The following TMEM117 variants were observed in gnomAD, a reference collection of about 807,000 sequenced individuals.
The protein encoded by TMEM117 is transmembrane protein 117.
In TMEM117, 27 loss-of-function variants were observed where a neutral mutation model predicts 52.4. That is an observed-to-expected ratio of 0.51 (90% CI 0.38 to 0.71). TMEM117 has a LOEUF of 0.71. Among genes scored for constraint, TMEM117 ranks in the 30% least tolerant of loss-of-function variants. The probability of loss-of-function intolerance (pLI) is 0.00; values close to 1 mark genes in which losing one functional copy is unlikely to be tolerated. For synonymous variants in TMEM117, 215 were observed against 206.3 expected, an observed-to-expected ratio of 1.04 and a Z score of -0.36; for missense variants, 556 against 630.5, an observed-to-expected ratio of 0.88 and a Z score of 1.26.
intron 2 of TMEM117, among the ~76,000 whole-genome samples, chr12:43,931,767 A>C (rs149267874): frequency 6.6e-6 from 1 of 152,204 alleles, no homozygotes; most frequent in Non-Finnish European, 1.5e-5. Flanking sequence ...ATTTAAATAA[A>C]GCTTGTTTTT....
intron 3 of TMEM117, among the ~76,000 whole-genome samples, chr12:44,090,849 G>GTTTTTTTTTTTTTTTTTTTTT: frequency 9.8e-6 from 1 of 101,652 alleles, no homozygotes; most frequent in Non-Finnish European, 2.0e-5. Context: ...GTTTTTTTTT[G>GTTTTTTTTTTTTTTTTTTTTT]TTTTTTTTTT....
chr12:43,994,227 G>T (rs1945991998), intron 3 of TMEM117, among the ~76,000 whole-genome samples: 1 of 152,122 alleles, frequency 6.6e-6, no homozygotes, highest in Admixed American at 6.5e-5. Flanking sequence ...CTTTCCAGAG[G>T]TAAAGAAACA....
At chr12:43,841,917 T>G (rs923029063) in intron 1 of TMEM117, among the ~76,000 whole-genome samples, 9 of 152,188 alleles carry the variant, frequency 5.9e-5, no homozygotes, top group Non-Finnish European at 1.3e-4. Context: ...GGGGAGGTGG[T>G]GATAGCAACC....
At chr12:44,221,873 A>AT (rs1218671441) in intron 5 of TMEM117, among the ~76,000 whole-genome samples, 4 of 151,776 alleles carry the variant, frequency 2.6e-5, no homozygotes, top group African/African-American at 9.7e-5. Flanking sequence ...TAATTTTTGT[A>AT]TTTTTAGTAG....
In TMEM117 at chr12:44,303,046, AT is replaced by A. The variant is rs1024943154; in HGVS notation, c.768+3319del. On this transcript the variant is annotated intron_variant, in intron 6 of 7. Transcript: ENST00000266534. ...CACTTATACTATAGAAAGGTATTGT[AT>A]TTTTTTTTTTTCTGATATGGAGTTT... 2.0e-3 allele frequency among the ~76,000 whole-genome samples: 286 copies of A among 146,252 alleles called. 1 individual carries two copies. Among genetic ancestry groups the A allele is most frequent in the African/African-American group, 4.8e-3 (191 of 40,160 alleles).
chr12:43,797,381 CTT>C, the TMEM117 span: 1 of 1,605,534 alleles, frequency 6.2e-7, no homozygotes, highest in South Asian at 1.1e-5. Context: ...TGGGAATCCT[CTT>C]TGGCAAATCT....
In TMEM117 at chr12:43,953,389, C is replaced by T. The variant is rs530277354; in HGVS notation, c.410+9047C>T. Among the ~76,000 whole-genome samples, 197 of 152,288 alleles carry T rather than the reference C, an allele frequency of 1.3e-3. 1 individual carries two copies. Among genetic ancestry groups the T allele is most frequent in the African/African-American group, 3.9e-3 (162 of 41,558 alleles). On this transcript the variant is annotated intron_variant, in intron 3 of 7. Transcript: ENST00000266534. ...TACAAAGACAAGACCCACCGGTGTG[C>T]TGTCTTCAAGAGACATATCTCATGT...
At chr12:44,172,289 A>T (rs1949057303) in intron 4 of TMEM117, among the ~76,000 whole-genome samples, 1 of 152,318 alleles carries the variant, frequency 6.6e-6, no homozygotes, top group Admixed American at 6.5e-5. Flanking sequence ...GCAGTCTGAA[A>T]CCAAGGTGTT....
At position 44,011,659 on chromosome 12, in the gene TMEM117, T is replaced by TATAC. The variant is rs113611924; in HGVS notation, c.410+67333_410+67336dup. On this transcript the variant is annotated intron_variant, in intron 3 of 7. Coordinates refer to ENST00000266534, the MANE Select transcript of TMEM117 (RefSeq NM_032256.3). ...AGAGTAATATAACTATATTCCTTACTATACATACATACATACATATGTATG... is the reference window on the plus strand; with the variant it reads ...AGAGTAATATAACTATATTCCTTACTATACATACATACATACATACATATGTATG... Among the ~76,000 whole-genome samples, 904 of 151,690 alleles carry TATAC rather than the reference T, an allele frequency of 6.0e-3. 9 individuals are homozygous for TATAC. The highest frequency in any genetic ancestry group is 0.024 in the South Asian group (115 of 4,778).
chr12:44,037,361 T>C (rs765757333), intron 3 of TMEM117, among the ~76,000 whole-genome samples: 1 of 152,158 alleles, frequency 6.6e-6, no homozygotes, highest in Non-Finnish European at 1.5e-5. Context: ...CCACTCCTGA[T>C]GCTCACTCCC....
chr12:44,211,506 C>A, intron 5 of TMEM117, 119 bp downstream of exon 5: 1 of 638,662 alleles, frequency 1.6e-6, no homozygotes, highest in Non-Finnish European at 2.7e-6. Context: ...TTGGTAGCTA[C>A]TATGCTCCAT....
rs895548336 is a variant in TMEM117, at chr12:44,048,117, A to G, written c.411-95408A>G. Among the ~76,000 whole-genome samples, 7 of 152,252 alleles carry G rather than the reference A, an allele frequency of 4.6e-5. 1 individual carries two copies. The highest frequency in any genetic ancestry group is 1.7e-4 in the African/African-American group (7 of 41,570). On this transcript the variant is annotated intron_variant, in intron 3 of 7. Transcript: ENST00000266534. ...GTGTCAATTTTGTTGTATTTTAGAA[A>G]TTTATCCATTTTCTTTACATTTTCA...
At chr12:44,230,213 T>C (rs533561903) in intron 5 of TMEM117, among the ~76,000 whole-genome samples, 1 of 152,128 alleles carries the variant, frequency 6.6e-6, no homozygotes. Context: ...CTGAATATTA[T>C]GTAGTCAGTC....
intron 3 of TMEM117, among the ~76,000 whole-genome samples, chr12:43,953,819 G>A (rs898020009): frequency 6.6e-6 from 1 of 152,124 alleles, no homozygotes; most frequent in African/African-American, 2.4e-5. Flanking sequence ...GATATCTACA[G>A]AACTCTCCCC....
chr12:44,177,796 A>G (rs1382878114), intron 4 of TMEM117, among the ~76,000 whole-genome samples: 1 of 152,170 alleles, frequency 6.6e-6, no homozygotes, highest in Non-Finnish European at 1.5e-5. Context: ...AATCTTGCAA[A>G]ATAGACTATG....
intron 3 of TMEM117, among the ~76,000 whole-genome samples, chr12:44,101,934 TGTAACTGCTTTATTTTCTACA>T (rs1947868184): frequency 6.6e-6 from 1 of 152,070 alleles, no homozygotes. Context: ...ATAGGGCGTA[TGTAACTGCTTTATTTTCTACA>T]AGCATCATAA....
At chr12:44,082,133 A>G (rs1234059911) in intron 3 of TMEM117, among the ~76,000 whole-genome samples, 2 of 152,032 alleles carry the variant, frequency 1.3e-5, no homozygotes, top group East Asian at 3.8e-4. Context: ...AATGACATTG[A>G]CACCATATTA....
At chr12:43,823,464 C>T in the TMEM117 span, among the ~76,000 whole-genome samples, 1 of 152,134 alleles carries the variant, frequency 6.6e-6, no homozygotes, top group Non-Finnish European at 1.5e-5. Flanking sequence ...AACAATCTCA[C>T]AGTAGAGAGA....
chr12:43,806,147 G>C, the TMEM117 span: 1 of 1,531,772 alleles, frequency 6.5e-7, no homozygotes, highest in Non-Finnish European at 8.7e-7. Flanking sequence ...CAGCCCTGCC[G>C]GTCCTGCAGC....
Sources: gnomAD v4.1 joint callset for allele counts (sites outside exome capture counted in the v4.1 genomes callset) on GRCh38, gnomAD v4.1.1 for gene constraint, MANE v1.5 for transcripts, NCBI Gene and HGNC (gene_info 2026-07-23, HGNC 2026-07-21) for gene names.